Variants in SLC12A2 observed in about 807,000 individuals in gnomAD.
SLC12A2 encodes solute carrier family 12 member 2.
In SLC12A2, 67 loss-of-function variants were observed where a neutral mutation model predicts 136.3. That is an observed-to-expected ratio of 0.49 (90% CI 0.40 to 0.60). The LOEUF (loss-of-function observed/expected upper bound fraction) is 0.60, where lower values mean the gene tolerates loss of function less well. SLC12A2 is among the 20% of genes least tolerant of loss of function. SLC12A2 has a pLI of 0.00. For synonymous variants in SLC12A2, 619 were observed against 562.9 expected, an observed-to-expected ratio of 1.10 and a Z score of -1.41; for missense variants, 1,322 against 1,534.7, an observed-to-expected ratio of 0.86 and a Z score of 2.32.
At chr5:128,140,705 C>A (rs567037900) in intron 9 of SLC12A2, among the ~76,000 whole-genome samples, 8 of 150,292 alleles carry the variant, frequency 5.3e-5, no homozygotes, top group Admixed American at 2.6e-4. Context: ...ACCTTCCCCC[C>A]CCAAAAAATT....
intron 1 of SLC12A2, among the ~76,000 whole-genome samples, chr5:128,103,169 T>C (rs930985801): frequency 1.3e-5 from 2 of 152,224 alleles, no homozygotes; most frequent in African/African-American, 4.8e-5. Context: ...GCCCAAACTT[T>C]TCTTTCAGAA....
At chr5:128,101,254 T>C (rs1760730632) in intron 1 of SLC12A2, among the ~76,000 whole-genome samples, 1 of 152,034 alleles carries the variant, frequency 6.6e-6, no homozygotes. Flanking sequence ...AAAAAATTGT[T>C]AGAACAATTG....
intron 5 of SLC12A2, among the ~76,000 whole-genome samples, chr5:128,133,111 G>GGGAA (rs1762080951): frequency 6.6e-6 from 1 of 151,388 alleles, no homozygotes; most frequent in Non-Finnish European, 1.5e-5. Context: ...AAATGCTATA[G>GGGAA]GGAATTTCAA....
chr5:128,111,842 GGA>G (rs923030527), intron 1 of SLC12A2, among the ~76,000 whole-genome samples: 11 of 150,872 alleles, frequency 7.3e-5, no homozygotes, highest in South Asian at 4.2e-4. Context: ...ATATATATAT[GGA>G]GAGAGAGAAT....
Position 128,159,066 on chromosome 5 carries a change from C to A in SLC12A2, c.2475+902C>A, listed in dbSNP as rs557067196. 5.9e-5 allele frequency among the ~76,000 whole-genome samples: 9 copies of A among 151,372 alleles called. No homozygotes were observed. The South Asian group carries it at 1.7e-3, about 28-fold the overall frequency. ...TTGCCCCTAAATGGTCTTGAAGTAGCATTTTTAAACAGTTACTGAATTTTG... is the reference window on the plus strand; with the variant it reads ...TTGCCCCTAAATGGTCTTGAAGTAGAATTTTTAAACAGTTACTGAATTTTG... On this transcript the variant is annotated intron_variant, in intron 16 of 26. Transcript: ENST00000262461.
rs771163504 is a variant in SLC12A2, at chr5:128,134,295, C to A, written c.1299+20C>A. 1.9e-5 allele frequency: 23 copies of A among 1,187,816 alleles called. No individual in the cohort carries two copies. The African/African-American group carries it at 3.0e-4, about 16-fold the overall frequency. The allele number at this position is 1,187,816 out of a possible 1,614,324, so 73.6% of individuals were successfully genotyped here. On this transcript the variant is annotated intron_variant, in intron 6 of 26. Transcript: ENST00000262461. ...GCAAAAGTAAGTTATGATAGGAACACCTGTAAATATTTAATACGTAAACTT... is the reference window on the plus strand; with the variant it reads ...GCAAAAGTAAGTTATGATAGGAACAACTGTAAATATTTAATACGTAAACTT...
chr5:128,097,820 T>C (rs1157254448), intron 1 of SLC12A2, among the ~76,000 whole-genome samples: 1 of 152,138 alleles, frequency 6.6e-6, no homozygotes, highest in East Asian at 1.9e-4. Context: ...TATTCATTCT[T>C]TTTTGTTTAT....
At chr5:128,093,744 A>C (rs1760421720) in intron 1 of SLC12A2, among the ~76,000 whole-genome samples, 1 of 152,142 alleles carries the variant, frequency 6.6e-6, no homozygotes, top group African/African-American at 2.4e-5. Context: ...CATTGAAAGT[A>C]ATGCCAAAAA....
intron 16 of SLC12A2, among the ~76,000 whole-genome samples, chr5:128,161,177 T>C (rs984243633): frequency 6.6e-6 from 1 of 152,228 alleles, no homozygotes; most frequent in African/African-American, 2.4e-5. Context: ...TAGTTTCTCC[T>C]GTTATTTCAT....
chr5:128,138,586 G>A lies in SLC12A2; in HGVS notation c.1409-11G>A, dbSNP rs1255380030. On this transcript the variant is annotated splice_polypyrimidine_tract_variant and intron_variant, in intron 7 of 26. Transcript: ENST00000262461. ...CTCCATTAATTGTCAAGAATATTTT[G>A]TTCTCTGCAGCTGAAATATTTAATG... is the stretch of plus-strand genomic sequence containing the variant. 6.2e-7 allele frequency: 1 copy of A among 1,601,770 alleles called. No homozygotes were observed. The highest frequency in any genetic ancestry group is 8.5e-7 in the Non-Finnish European group (1 of 1,176,274).
chr5:128,138,510 G>T, intron 7 of SLC12A2, 87 bp from the exon 8 acceptor site: 3 of 1,182,786 alleles, frequency 2.5e-6, no homozygotes, highest in Non-Finnish European at 3.5e-6. Flanking sequence ...AAAAGTTAGG[G>T]GTCATGTATA....
chr5:128,110,094 C>T, intron 1 of SLC12A2: 2 of 942,596 alleles, frequency 2.1e-6, no homozygotes, highest in South Asian at 1.3e-5. Context: ...TATCAAGTCT[C>T]ATGGTGAACA....
Position 128,178,562 on chromosome 5 carries a change from T to C in SLC12A2, c.2978-5T>C. The stretch of plus-strand genomic sequence containing the variant: ...TTACATTTTATATTTTGCTTAATCC[T>C]TTAGAATCCAAAGGCCCTATTGTGC... On this transcript the variant is annotated splice_polypyrimidine_tract_variant and splice_region_variant and intron_variant, in intron 21 of 26. Transcript: ENST00000262461. 1 of 1,556,816 alleles carries C rather than the reference T, an allele frequency of 6.4e-7. No individual in the cohort carries two copies. Among genetic ancestry groups the C allele is most frequent in the Non-Finnish European group, 8.6e-7 (1 of 1,158,466 alleles).
intron 22 of SLC12A2, among the ~76,000 whole-genome samples, chr5:128,179,769 C>T (rs1328280214): frequency 6.6e-6 from 1 of 152,022 alleles, no homozygotes; most frequent in Non-Finnish European, 1.5e-5. Context: ...CTAAGCTCCA[C>T]CTCCAGCACT....
chr5:128,128,362 A>G (rs1249303819), intron 4 of SLC12A2, among the ~76,000 whole-genome samples: 1 of 152,160 alleles, frequency 6.6e-6, no homozygotes, highest in East Asian at 1.9e-4. Flanking sequence ...TATCTCTGGC[A>G]TCTGACTAAT....
intron 17 of SLC12A2, among the ~76,000 whole-genome samples, chr5:128,162,318 C>A (rs1763067173): frequency 6.6e-6 from 1 of 151,880 alleles, no homozygotes; most frequent in Non-Finnish European, 1.5e-5. Context: ...AATAGAGCTA[C>A]CCGTATCAGA....
chr5:128,114,152 A>G, intron 2 of SLC12A2, 60 bp from the exon 3 acceptor site: 1 of 1,206,182 alleles, frequency 8.3e-7, no homozygotes, highest in Non-Finnish European at 1.2e-6. Flanking sequence ...TTTAATGCTT[A>G]CTATATAATG....
chr5:128,125,290 T>C (rs1761746301), intron 4 of SLC12A2, among the ~76,000 whole-genome samples: 1 of 152,204 alleles, frequency 6.6e-6, no homozygotes, highest in Non-Finnish European at 1.5e-5. Context: ...CCTTACTGCG[T>C]GTGAAATGAG....
chr5:128,101,995 C>T (rs964214124), intron 1 of SLC12A2, among the ~76,000 whole-genome samples: 3 of 151,928 alleles, frequency 2.0e-5, no homozygotes, highest in African/African-American at 7.3e-5. Flanking sequence ...TTATAAGAAG[C>T]TATGTAGTAG....
Sources: gnomAD v4.1 joint callset for allele counts (sites outside exome capture counted in the v4.1 genomes callset) on GRCh38, gnomAD v4.1.1 for gene constraint, MANE v1.5 for transcripts, NCBI Gene and HGNC (gene_info 2026-07-23, HGNC 2026-07-21) for gene names.